The following HEATR3 variants were observed in gnomAD, a reference collection of about 807,000 sequenced individuals.
HEATR3 encodes the protein HEAT repeat containing 3.
Under a neutral mutation model 72.8 loss-of-function variants are expected in HEATR3, and 56 were observed. The observed-to-expected ratio is 0.77, with a 90% CI of 0.62 to 0.96. HEATR3 has a LOEUF of 0.96. HEATR3 is among the 40% of genes least tolerant of loss of function. The probability of loss-of-function intolerance (pLI) is 0.00; values close to 1 mark genes in which losing one functional copy is unlikely to be tolerated. For synonymous variants in HEATR3, 331 were observed against 318.1 expected (o/e 1.04, Z -0.43); for missense variants, 747 against 831.4 (o/e 0.90, Z 1.25).
intron 11 of HEATR3, among the ~76,000 whole-genome samples, chr16:50,089,367 A>G (rs1037215140): frequency 4.8e-5 from 7 of 146,452 alleles, no homozygotes; most frequent in Non-Finnish European, 9.0e-5. Context: ...ACCTAATGAC[A>G]TGTGCTCAGT....
chr16:50,088,179 A>G (rs1198972749), intron 11 of HEATR3, among the ~76,000 whole-genome samples: 1 of 152,232 alleles, frequency 6.6e-6, no homozygotes, highest in African/African-American at 2.4e-5. Flanking sequence ...TTTTGTGTCA[A>G]CATCCATTCA....
chr16:50,095,479 C>G (rs1478316347), intron 12 of HEATR3, among the ~76,000 whole-genome samples: 4 of 149,978 alleles, frequency 2.7e-5, no homozygotes, highest in Non-Finnish European at 4.4e-5. Flanking sequence ...TCACAGCAAT[C>G]CATGTGCACT....
At chr16:50,098,862 ATT>A (rs1252251878) in intron 12 of HEATR3, among the ~76,000 whole-genome samples, 1 of 152,012 alleles carries the variant, frequency 6.6e-6, no homozygotes, top group African/African-American at 2.4e-5. Flanking sequence ...TAAAACTATT[ATT>A]TGCTTTATCC....
At chr16:50,066,686 C>T in intron 2 of HEATR3, 147 bp downstream of exon 2, 1 of 746,244 alleles carries the variant, frequency 1.3e-6, no homozygotes, top group Non-Finnish European at 1.8e-6. Flanking sequence ...AGCCAGTCTC[C>T]AGGCTCCGGA....
intron 7 of HEATR3, among the ~76,000 whole-genome samples, chr16:50,082,554 G>A (rs2036889700): frequency 1.3e-5 from 2 of 149,870 alleles, no homozygotes; most frequent in Admixed American, 1.3e-4. Flanking sequence ...CCTGAGCTAC[G>A]TCTATTGAAT....
chr16:50,072,662 G>T lies in HEATR3; in HGVS notation c.570G>T (p.Val190=). ...ACAAAGAAGGGTGTTTGGAGATTGT[G>T]TTAAAGTATTTAAGTAGGTTTCCTA... ...IFNKEGCLEI[V]LKYLSRFPTN... Residue 190 remains valine (V), a synonymous_variant, in exon 5 of 15, where the codon GTG becomes GTT. Coordinates refer to ENST00000299192, the MANE Select transcript of HEATR3 (RefSeq NM_182922.4). The T allele has an allele frequency of 6.2e-7, 1 of 1,609,960 alleles. No homozygotes were observed. Among genetic ancestry groups the T allele is most frequent in the Non-Finnish European group, 8.5e-7 (1 of 1,176,222 alleles).
rs2037233730 is a variant in HEATR3 at position 50,096,303 on chromosome 16, C to T, written c.1599+1510C>T. ...TCATGCCACTGCACTCCAGCCTAGG[C>T]GATAGAGCAAGACTCCGTCTCAAAA... On this transcript the variant is annotated intron_variant, in intron 12 of 14. Transcript: ENST00000299192. Among the ~76,000 whole-genome samples the T allele has an allele frequency of 5.3e-5, 6 of 112,298 alleles. No individual in the cohort carries two copies. The South Asian group carries it at 1.6e-3, about 29-fold the overall frequency. The allele number at this position is 112,298 out of a possible 152,430, so 73.7% of individuals were successfully genotyped here.
In HEATR3 at chr16:50,105,711, CTTGTTT is replaced by C. The variant is rs1327824013; in HGVS notation, c.*660_*665del. On this transcript the variant is annotated 3_prime_UTR_variant, in exon 15 of 15. Transcript: ENST00000299192. ...GAATTACAGGCACCCACCACCACAC[CTTGTTT>C]TTGTTTTTGGTTTTTTGGTTTGTTT... is the stretch of plus-strand genomic sequence containing the variant. 1 of 151,524 alleles carries C rather than the reference CTTGTTT, an allele frequency of 6.6e-6. No homozygotes were observed. The highest frequency in any genetic ancestry group is 1.5e-5 in the Non-Finnish European group (1 of 68,008). The allele number at this position is 151,524 out of a possible 1,614,324, so 9.4% of individuals were successfully genotyped here.
chr16:50,095,543 T>C (rs2058813), intron 12 of HEATR3, among the ~76,000 whole-genome samples: 120,054 of 151,724 alleles, frequency 0.79, 47,634 homozygotes, highest in South Asian at 0.84. Context: ...AGGAGACTTT[T>C]AAACATTCCT....
chr16:50,090,225 C>T (rs2150616524), intron 11 of HEATR3, among the ~76,000 whole-genome samples: 1 of 152,080 alleles, frequency 6.6e-6, no homozygotes. Flanking sequence ...GGAGTGGTAT[C>T]TTGCTTGCGC....
At chr16:50,087,210 A>T (rs536975382) in intron 11 of HEATR3, among the ~76,000 whole-genome samples, 5 of 152,274 alleles carry the variant, frequency 3.3e-5, no homozygotes, top group African/African-American at 1.2e-4. Flanking sequence ...GTAGAATACC[A>T]TCCACACAAT....
intron 13 of HEATR3, chr16:50,100,615 TA>T (rs924750685): frequency 6.6e-6 from 3 of 455,046 alleles, no homozygotes; most frequent in Admixed American, 4.3e-5. Context: ...GGTACTTTTT[TA>T]AAAAAATAAA....
chr16:50,085,086 A>T (rs572383310), intron 10 of HEATR3, among the ~76,000 whole-genome samples: 1 of 152,198 alleles, frequency 6.6e-6, no homozygotes, highest in East Asian at 1.9e-4. Flanking sequence ...TCAGGGATGC[A>T]TACCTTGGTG....
chr16:50,094,275 C>T (rs905686432), intron 11 of HEATR3, among the ~76,000 whole-genome samples: 2 of 152,180 alleles, frequency 1.3e-5, no homozygotes, highest in Admixed American at 6.5e-5. Context: ...GCACAAGCAA[C>T]AGTGTGTGGC....
chr16:50,074,286 A>G (rs558412423), intron 5 of HEATR3: 1 of 152,312 alleles, frequency 6.6e-6, no homozygotes, highest in South Asian at 2.1e-4. Flanking sequence ...AGACGTCCCA[A>G]AACCTAAGGC....
In HEATR3 at chr16:50,072,627, T is replaced by G. The variant is rs1567426574; in HGVS notation, c.535T>G (p.Ser179Ala). Residue 179 changes from serine to alanine, a missense_variant, in exon 5 of 15, where the codon TCT becomes GCT. Transcript: ENST00000299192. The part of the protein sequence containing the change: ...NICECSSRAV[S>A]IFNKEGCLEI... The stretch of plus-strand genomic sequence containing the variant: ...TAGTGAATGCAGTAGTAGAGCAGTG[T>G]CTATATTCAACAAAGAAGGGTGTTT... 2.5e-6 allele frequency: 4 copies of G among 1,609,144 alleles called. No homozygotes were observed. The highest frequency in any genetic ancestry group is 3.4e-6 in the Non-Finnish European group (4 of 1,175,614).
At chr16:50,077,022 C>CA (rs1388331021) in intron 6 of HEATR3, among the ~76,000 whole-genome samples, 2 of 152,112 alleles carry the variant, frequency 1.3e-5, no homozygotes, top group African/African-American at 4.8e-5. Context: ...TGCCTGCCAC[C>CA]ACGCCCAGCT....
intron 3 of HEATR3, 56 bp downstream of exon 3, chr16:50,068,923 T>C: frequency 1.6e-6 from 2 of 1,260,344 alleles, no homozygotes. Context: ...ACTTAGACTT[T>C]TTTTAGTACT....
At chr16:50,101,506 A>G (rs2037364742) in intron 13 of HEATR3, among the ~76,000 whole-genome samples, 1 of 152,144 alleles carries the variant, frequency 6.6e-6, no homozygotes, top group African/African-American at 2.4e-5. Flanking sequence ...GCTTGTTTAC[A>G]CTGCTGAAGT....
Sources: gnomAD v4.1 joint callset for allele counts (sites outside exome capture counted in the v4.1 genomes callset) on GRCh38, gnomAD v4.1.1 for gene constraint, MANE v1.5 for transcripts, NCBI Gene and HGNC (gene_info 2026-07-23, HGNC 2026-07-21) for gene names.